The following AKAP7 variants were observed in gnomAD, a reference collection of about 807,000 sequenced individuals.
AKAP7 encodes the protein A-kinase anchoring protein 7.
A neutral mutation model predicts 39.5 loss-of-function variants in AKAP7; 39 were observed. The observed-to-expected ratio is 0.99, with a 90% CI of 0.76 to 1.29. The LOEUF (loss-of-function observed/expected upper bound fraction) is 1.29, where lower values mean the gene tolerates loss of function less well. Among genes scored for constraint, AKAP7 ranks in the 50% most tolerant of loss-of-function variants. The pLI is 0.00. For missense variants in AKAP7, 414 were observed against 407.7 expected, an observed-to-expected ratio of 1.02 and a Z score of -0.13; for synonymous variants, 140 against 139.1, an observed-to-expected ratio of 1.01 and a Z score of -0.05.
intron 5 of AKAP7, among the ~76,000 whole-genome samples, chr6:131,196,949 A>G (rs965815207): frequency 1.3e-5 from 2 of 152,060 alleles, no homozygotes; most frequent in South Asian, 2.1e-4. Flanking sequence ...ATCCATATAT[A>G]TGTATTATAT....
chr6:131,282,236 T>TGGTCGCCG lies in AKAP7; in HGVS notation c.*510_*511insGGTCGCCG. 7.4e-7 allele frequency: 1 copy of TGGTCGCCG among 1,346,372 alleles called. No homozygotes were observed. The highest frequency in any genetic ancestry group is 2.7e-5 in the East Asian group (1 of 36,424). 83.4% of individuals were successfully genotyped at this position (1,346,372 alleles called of 1,614,324 possible). A position where few individuals can be genotyped will look rare whatever the true frequency, so the allele number is the denominator to read the frequency against. ...GTGCTGTTGCTATGCAGTGTGATCT[T>TGGTCGCCG]TATTTATAGTAAATTATGTTTCATG... is the stretch of plus-strand genomic sequence containing the variant. On this transcript the variant is annotated 3_prime_UTR_variant, in exon 8 of 8. Coordinates refer to ENST00000431975, the MANE Select transcript of AKAP7 (RefSeq NM_016377.4).
chr6:131,184,606 C>G, intron 5 of AKAP7: 1 of 739,900 alleles, frequency 1.4e-6, no homozygotes, highest in South Asian at 1.5e-5. Flanking sequence ...TGAGCAGCCA[C>G]AGTCGAAACA....
chr6:131,209,449 A>G (rs1014816705), intron 6 of AKAP7, among the ~76,000 whole-genome samples: 8 of 151,934 alleles, frequency 5.3e-5, no homozygotes, highest in Admixed American at 1.3e-4. Flanking sequence ...ACGGGATTTC[A>G]CCATGTTAGC....
intron 7 of AKAP7, among the ~76,000 whole-genome samples, chr6:131,229,550 C>T (rs532209824): frequency 7.2e-5 from 11 of 152,078 alleles, no homozygotes; most frequent in Admixed American, 5.2e-4. Flanking sequence ...GGTTTCACCA[C>T]GTTGGCCAGG....
At position 131,281,539 on chromosome 6, in the gene AKAP7, A is replaced by G; in HGVS notation, c.860A>G (p.Asn287Ser). Residue 287 changes from asparagine (N) to serine (S), a missense_variant, in exon 8 of 8, where the codon AAC becomes AGC. Asn to Ser is a conservative substitution (Grantham distance 46). Transcript: ENST00000431975. This position sits in a 1 kb window ranked among gnomAD's most constrained non-coding sequence, Gnocchi z 4.0. ...CESSIVIGEK[N>S]GGEPDDAELV... ...CTATTGTGGAATGTAGGTGAAAAGA[A>G]CGGAGGGGAGCCCGATGACGCTGAA... The G allele has an allele frequency of 6.2e-7, 1 of 1,607,088 alleles. No individual in the cohort carries two copies. Among genetic ancestry groups the G allele is most frequent in the Non-Finnish European group, 8.5e-7 (1 of 1,176,756 alleles).
chr6:131,206,786 C>CATCT (rs148815359), intron 6 of AKAP7, among the ~76,000 whole-genome samples: 24,323 of 151,212 alleles, frequency 0.16, 2,166 homozygotes, highest in Middle Eastern at 0.25. Context: ...TCCATCCATC[C>CATCT]ATCTATCTAT....
At chr6:131,129,211 C>G in the AKAP7 span, among the ~76,000 whole-genome samples, 2 of 148,738 alleles carry the variant, frequency 1.3e-5, no homozygotes, top group African/African-American at 4.9e-5. Flanking sequence ...TGCTTGAACC[C>G]GAGAGGCGGA....
chr6:131,179,670 C>A (rs1255282810), intron 5 of AKAP7, among the ~76,000 whole-genome samples: 1 of 152,042 alleles, frequency 6.6e-6, no homozygotes, highest in Non-Finnish European at 1.5e-5. Context: ...CGGTTTAAGA[C>A]CAGCCTAGGC....
intron 7 of AKAP7, among the ~76,000 whole-genome samples, chr6:131,269,613 G>A (rs1814105606): frequency 6.6e-6 from 1 of 152,204 alleles, no homozygotes; most frequent in African/African-American, 2.4e-5. Context: ...CATGAGCACA[G>A]TGCCCCTCTG....
chr6:131,206,575 A>T (rs1312365559), intron 6 of AKAP7, among the ~76,000 whole-genome samples: 1 of 152,152 alleles, frequency 6.6e-6, no homozygotes, highest in Non-Finnish European at 1.5e-5. Flanking sequence ...ATTAAGAGGA[A>T]ATTCCAGTTC....
chr6:131,198,463 T>C (rs1054859446), intron 5 of AKAP7, among the ~76,000 whole-genome samples: 15 of 152,184 alleles, frequency 9.9e-5, no homozygotes, highest in African/African-American at 3.6e-4. Context: ...TGGTACACAA[T>C]TAAGTTACTT....
intron 7 of AKAP7, among the ~76,000 whole-genome samples, chr6:131,259,847 T>C (rs979797681): frequency 6.6e-6 from 1 of 152,088 alleles, no homozygotes; most frequent in Non-Finnish European, 1.5e-5. Context: ...AGTGTGCAGG[T>C]TTGTTAGGTA....
chr6:131,234,879 A>AT (rs764381764), intron 7 of AKAP7, among the ~76,000 whole-genome samples: 279 of 151,002 alleles, frequency 1.8e-3, no homozygotes, highest in Non-Finnish European at 3.1e-3. Context: ...ATGATCAGTG[A>AT]TTTTTTTATT....
At chr6:131,260,785 G>A (rs1344817901) in intron 7 of AKAP7, among the ~76,000 whole-genome samples, 1 of 152,048 alleles carries the variant, frequency 6.6e-6, no homozygotes, top group African/African-American at 2.4e-5. Context: ...TTCTTTTGCT[G>A]TGCAGAAGCT....
intron 5 of AKAP7, among the ~76,000 whole-genome samples, chr6:131,188,803 T>C (rs2128268714): frequency 6.6e-6 from 1 of 151,770 alleles, no homozygotes. Context: ...TTCTCCCTCC[T>C]TGGCCTCCCA....
chr6:131,142,540 A>G lies in AKAP7; in HGVS notation c.20-2745A>G, dbSNP rs115095342. Among the ~76,000 whole-genome samples, 796 of 152,340 alleles carry G rather than the reference A, an allele frequency of 5.2e-3. 9 individuals are homozygous for G. The highest frequency in any genetic ancestry group is 0.018 in the African/African-American group (761 of 41,576). On this transcript the variant is annotated intron_variant, in intron 1 of 7. Coordinates refer to ENST00000431975, the MANE Select transcript of AKAP7 (RefSeq NM_016377.4). ...AGGAGGCATGGCAGCTTCCACCTAG[A>G]TTTCAGATGATGTACCAGAAAGCCT...
chr6:131,218,492 T>C (rs529203424), intron 6 of AKAP7, among the ~76,000 whole-genome samples: 12 of 152,342 alleles, frequency 7.9e-5, no homozygotes, highest in Admixed American at 3.3e-4. Flanking sequence ...TGGCAGTTTG[T>C]AGTGATTTAA....
At position 131,282,669 on chromosome 6, in the gene AKAP7, G is replaced by A; in HGVS notation, c.*943G>A. On this transcript the variant is annotated 3_prime_UTR_variant, in exon 8 of 8. Coordinates refer to ENST00000431975, the MANE Select transcript of AKAP7 (RefSeq NM_016377.4). The stretch of plus-strand genomic sequence containing the variant: ...TTTTCAGCTTATTAAGTAGCTCTTT[G>A]GTAAACACCAAAGAAGTTTCTGATA... 7.4e-7 allele frequency: 1 copy of A among 1,353,096 alleles called. No homozygotes were observed. Among genetic ancestry groups the A allele is most frequent in the Non-Finnish European group, 1.0e-6 (1 of 1,000,558 alleles). The allele number at this position is 1,353,096 out of a possible 1,614,324, so 83.8% of individuals were successfully genotyped here.
chr6:131,183,144 G>A (rs769441141), intron 5 of AKAP7, among the ~76,000 whole-genome samples: 1 of 152,040 alleles, frequency 6.6e-6, no homozygotes, highest in Non-Finnish European at 1.5e-5. Context: ...AGGAACTAAC[G>A]AAAGGAAAAA....
Sources: gnomAD v4.1 joint callset for allele counts (sites outside exome capture counted in the v4.1 genomes callset) on GRCh38, gnomAD v4.1.1 for gene constraint, Gnocchi (gnomAD v3.1) non-coding constraint, MANE v1.5 for transcripts, NCBI Gene and HGNC (gene_info 2026-07-23, HGNC 2026-07-21) for gene names.